Variants in EBF1 observed in about 807,000 individuals in gnomAD.
The protein encoded by EBF1 is transcription factor COE1.
Under a neutral mutation model 68.4 loss-of-function variants are expected in EBF1, and 10 were observed. The ratio of observed to expected loss-of-function variants is 0.15; its 90% CI spans 0.09 to 0.25. The LOEUF is 0.25. EBF1 is among the 10% of genes least tolerant of loss of function. EBF1 has a pLI of 1.00. For synonymous variants in EBF1, 298 were observed against 299.8 expected (o/e 0.99, Z 0.06); for missense variants, 509 against 794.4 (o/e 0.64, Z 4.32).
At chr5:158,749,081 A>T (rs1768202335) in intron 10 of EBF1, among the ~76,000 whole-genome samples, 1 of 152,110 alleles carries the variant, frequency 6.6e-6, no homozygotes, top group African/African-American at 2.4e-5. Flanking sequence ...GCCTAGATTG[A>T]CTGCCCTTCT....
intron 8 of EBF1, among the ~76,000 whole-genome samples, chr5:158,812,031 A>T (rs780314811): frequency 6.6e-6 from 1 of 152,202 alleles, no homozygotes; most frequent in African/African-American, 2.4e-5. Context: ...ATTGCAGTTT[A>T]AATCATTCCG....
At chr5:158,994,232 A>C (rs34569927) in intron 6 of EBF1, among the ~76,000 whole-genome samples, 35,681 of 152,156 alleles carry the variant, frequency 0.23, 4,529 homozygotes, top group Non-Finnish European at 0.27. Flanking sequence ...GGAAAGACAA[A>C]GGGGAAACTC....
At chr5:158,992,545 C>G (rs766930752) in intron 6 of EBF1, among the ~76,000 whole-genome samples, 1 of 152,190 alleles carries the variant, frequency 6.6e-6, no homozygotes, top group East Asian at 1.9e-4. Context: ...TGCTAGGATT[C>G]TTGGCACTGC....
intron 9 of EBF1, among the ~76,000 whole-genome samples, chr5:158,789,642 C>T (rs538537570): frequency 6.6e-6 from 1 of 152,224 alleles, no homozygotes; most frequent in African/African-American, 2.4e-5. Context: ...CAGGACAAGC[C>T]ACCCTACCAC....
chr5:159,036,125 G>A (rs550649805), intron 6 of EBF1, among the ~76,000 whole-genome samples: 6 of 152,282 alleles, frequency 3.9e-5, no homozygotes, highest in Non-Finnish European at 5.9e-5. Context: ...GACAGTGATT[G>A]AGAGATCAGA....
chr5:159,065,389 C>G (rs1474516583), intron 6 of EBF1, among the ~76,000 whole-genome samples: 1 of 152,142 alleles, frequency 6.6e-6, no homozygotes, highest in Non-Finnish European at 1.5e-5. Flanking sequence ...TGGCGGGGAG[C>G]AGCACCACAT....
chr5:158,889,026 G>A (rs1196132903), intron 6 of EBF1, among the ~76,000 whole-genome samples: 5 of 152,072 alleles, frequency 3.3e-5, no homozygotes, highest in Non-Finnish European at 7.4e-5. Flanking sequence ...AGTTCCCACT[G>A]ATTACTTTAG....
chr5:159,095,406 C>T (rs908215857), intron 4 of EBF1, among the ~76,000 whole-genome samples: 2 of 152,178 alleles, frequency 1.3e-5, no homozygotes, highest in East Asian at 1.9e-4. Context: ...GCCCGAGTTC[C>T]CTTGGAGGGA....
chr5:159,050,209 TC>T (rs1222435746), intron 6 of EBF1, among the ~76,000 whole-genome samples: 1 of 144,310 alleles, frequency 6.9e-6, no homozygotes, highest in Admixed American at 7.0e-5. Flanking sequence ...TCTCCTCTCC[TC>T]CCTCTCTCTC....
At chr5:158,832,125 A>C (rs1209362416) in intron 7 of EBF1, among the ~76,000 whole-genome samples, 1 of 152,266 alleles carries the variant, frequency 6.6e-6, no homozygotes, top group African/African-American at 2.4e-5. Context: ...CTTCAGAGCC[A>C]GCATCCATTG....
At chr5:159,078,291 C>T (rs896590556) in intron 5 of EBF1, among the ~76,000 whole-genome samples, 4 of 152,042 alleles carry the variant, frequency 2.6e-5, no homozygotes, top group Non-Finnish European at 4.4e-5. Context: ...TGAGCACCAA[C>T]CTCCACTATA....
chr5:158,859,542 A>G (rs1475165692), intron 6 of EBF1, among the ~76,000 whole-genome samples: 1 of 152,220 alleles, frequency 6.6e-6, no homozygotes, highest in East Asian at 1.9e-4. Context: ...GAAGGGGTCA[A>G]GAGGGTTGAG....
chr5:158,855,700 G>GAGTA (rs1346689526), intron 6 of EBF1, among the ~76,000 whole-genome samples: 1 of 152,236 alleles, frequency 6.6e-6, no homozygotes, highest in Admixed American at 6.5e-5. Context: ...CTAAGTGAAT[G>GAGTA]AGTAAGTAAG....
intron 10 of EBF1, among the ~76,000 whole-genome samples, chr5:158,775,805 C>T (rs894785513): frequency 1.3e-5 from 2 of 150,536 alleles, no homozygotes; most frequent in African/African-American, 4.9e-5. Flanking sequence ...CACACACACA[C>T]ACACACACAC....
chr5:158,827,997 C>T (rs148810636), intron 7 of EBF1, among the ~76,000 whole-genome samples: 109 of 152,232 alleles, frequency 7.2e-4, no homozygotes, highest in Non-Finnish European at 1.1e-3. Flanking sequence ...AGTGCTGATA[C>T]ATGGTAACTC....
intron 10 of EBF1, among the ~76,000 whole-genome samples, chr5:158,770,080 A>C (rs1773570130): frequency 6.6e-6 from 1 of 152,138 alleles, no homozygotes; most frequent in South Asian, 2.1e-4. Context: ...TATGTATAGA[A>C]TATTACGCTA....
chr5:158,956,672 G>T (rs185541690), intron 6 of EBF1, among the ~76,000 whole-genome samples: 3 of 151,536 alleles, frequency 2.0e-5, no homozygotes, highest in East Asian at 1.9e-4. Flanking sequence ...TTATAGAAAG[G>T]TTCCAATGGA....
chr5:158,846,049 CA>C (rs1450668816), intron 6 of EBF1, among the ~76,000 whole-genome samples: 1 of 152,210 alleles, frequency 6.6e-6, no homozygotes, highest in African/African-American at 2.4e-5. Context: ...TAAACTGAGA[CA>C]CAAAACCTAC....
intron 6 of EBF1, among the ~76,000 whole-genome samples, chr5:159,042,704 G>A (rs890090497): frequency 4.6e-5 from 7 of 151,624 alleles, no homozygotes; most frequent in Admixed American, 2.0e-4. Context: ...AAAAAAATCC[G>A]TCTTCTAAAG....
Sources: gnomAD v4.1 joint callset for allele counts (sites outside exome capture counted in the v4.1 genomes callset) on GRCh38, gnomAD v4.1.1 for gene constraint, MANE v1.5 for transcripts, NCBI Gene and HGNC (gene_info 2026-07-23, HGNC 2026-07-21) for gene names.